Variants in MUL1 observed in about 807,000 individuals in gnomAD.
MUL1 encodes mitochondrial ubiquitin ligase activator of NFKB 1.
Under a neutral mutation model 34.1 loss-of-function variants are expected in MUL1, and 30 were observed. The ratio of observed to expected loss-of-function variants is 0.88; its 90% confidence interval spans 0.66 to 1.19. The LOEUF (loss-of-function observed/expected upper bound fraction) is 1.19. Ranked by LOEUF, MUL1 falls within the 50% of genes most tolerant of loss-of-function variation. The pLI is 0.00. For missense variants in MUL1, 419 were observed against 450.5 expected (o/e 0.93, Z 0.63); for synonymous variants, 191 against 187.8 (o/e 1.02, Z -0.14).
Position 20,500,925 on chromosome 1 carries a change from A to G in MUL1, c.824T>C (p.Met275Thr). The G allele has an allele frequency of 1.2e-6, 2 of 1,614,124 alleles. No individual in the cohort carries two copies. Among genetic ancestry groups the G allele is most frequent in the African/African-American group, 1.3e-5 (1 of 75,060 alleles). ...CTCATGCTCCTGGAACTCCTCCTGC[A>G]TCTGCTTGAGGCGCAGGCGCTCCTG... is the stretch of plus-strand genomic sequence containing the variant. ...QRQERLRLKQ[M>T]QEEFQEHEAQ... Residue 275 changes from methionine (M) to threonine (T), a missense_variant, in exon 4 of 4, where the codon ATG (methionine) becomes ACG (threonine). Transcript: ENST00000264198.
At position 20,508,076 on chromosome 1, in the gene MUL1, A is replaced by G; in HGVS notation, c.-52T>C. ...TGTGGCGCCAAGGATAGGCCTGGTGACCCCCGACTCTCCACCTCCTTCCGA... is the reference window on the plus strand; with the variant it reads ...TGTGGCGCCAAGGATAGGCCTGGTGGCCCCCGACTCTCCACCTCCTTCCGA... On this transcript the variant is annotated 5_prime_UTR_variant, in exon 1 of 4. Coordinates refer to ENST00000264198, the MANE Select transcript of MUL1 (RefSeq NM_024544.3). 6.4e-7 allele frequency: 1 copy of G among 1,554,348 alleles called. No individual in the cohort carries two copies. Among genetic ancestry groups the G allele is most frequent in the Non-Finnish European group, 8.7e-7 (1 of 1,150,286 alleles).
Position 20,508,082 on chromosome 1 carries a change from G to T in MUL1, c.-58C>A. 6.4e-7 allele frequency: 1 copy of T among 1,550,814 alleles called. No homozygotes were observed. Among genetic ancestry groups the T allele is most frequent in the South Asian group, 1.2e-5 (1 of 84,014 alleles). On this transcript the variant is annotated 5_prime_UTR_variant, in exon 1 of 4. Transcript: ENST00000264198. ...GCCAAGGATAGGCCTGGTGACCCCC[G>T]ACTCTCCACCTCCTTCCGACCAGGA...
chr1:20,499,703 G>C lies in MUL1; in HGVS notation c.*987C>G, dbSNP rs748381559. 1 of 151,940 alleles carries C rather than the reference G, an allele frequency of 6.6e-6. No individual in the cohort carries two copies. The highest frequency in any genetic ancestry group is 1.5e-5 in the Non-Finnish European group (1 of 68,006). The allele number at this position is 151,940 out of a possible 1,614,324, so 9.4% of individuals were successfully genotyped here. A position where few individuals can be genotyped will look rare whatever the true frequency, so the allele number is the denominator to read the frequency against. On this transcript the variant is annotated 3_prime_UTR_variant, in exon 4 of 4. Transcript: ENST00000264198. Reference sequence around the variant, plus strand: ...GGGGCAAATGGTAATACTGGGAGGGGGTAACACAAGGAGAAGCGACATGAG... The same window carrying C: ...GGGGCAAATGGTAATACTGGGAGGGCGTAACACAAGGAGAAGCGACATGAG...
Position 20,508,145 on chromosome 1 carries a change from AT to A in MUL1, c.-122del, listed in dbSNP as rs2051737875. 7.2e-7 allele frequency: 1 copy of A among 1,396,638 alleles called. No individual in the cohort carries two copies. Among genetic ancestry groups the A allele is most frequent in the African/African-American group, 1.4e-5 (1 of 69,770 alleles). 86.5% of individuals were successfully genotyped at this position (1,396,638 alleles called of 1,614,324 possible). On this transcript the variant is annotated 5_prime_UTR_variant, in exon 1 of 4. Coordinates refer to ENST00000264198, the MANE Select transcript of MUL1 (RefSeq NM_024544.3). Reference sequence around the variant, plus strand: ...GGCCTAACCTGACCGGAAACTCGAAATCAGTCGCCCAGCGATGACGCACGAC... The same window carrying A: ...GGCCTAACCTGACCGGAAACTCGAAACAGTCGCCCAGCGATGACGCACGAC...
Position 20,501,042 on chromosome 1 carries a change from C to T in MUL1, c.707G>A (p.Ser236Asn), listed in dbSNP as rs1458209650. The T allele has an allele frequency of 1.2e-6, 2 of 1,614,094 alleles. No homozygotes were observed. The highest frequency in any genetic ancestry group is 2.2e-5 in the East Asian group (1 of 44,878). ...FDSLLQRQES[S>N]VRLWKVLALV... ...CGCCAGCACCTTCCAGAGCCTGACG[C>T]TCGACTCCTGCCTCTGCAGCAGGCT... is the stretch of plus-strand genomic sequence containing the variant. The change falls in exon 4 of 4, where the codon AGC becomes AAC. Residue 236 changes from serine (S) to asparagine (N), a missense_variant. Ser to Asn is a conservative substitution (Grantham distance 46, BLOSUM62 1). Coordinates refer to ENST00000264198, the MANE Select transcript of MUL1 (RefSeq NM_024544.3). This position sits in a 1 kb window ranked among gnomAD's most constrained non-coding sequence, Gnocchi z 4.2.
chr1:20,507,734 A>G (rs1277986483), intron 1 of MUL1, among the ~76,000 whole-genome samples, 171 bp downstream of exon 1: 1 of 152,234 alleles, frequency 6.6e-6, no homozygotes. Flanking sequence ...CGTTATCCCG[A>G]GCCCGAATCC....
At position 20,500,539 on chromosome 1, in the gene MUL1, T is replaced by A. The variant is rs1208428004; in HGVS notation, c.*151A>T. 5 of 1,017,666 alleles carry A rather than the reference T, an allele frequency of 4.9e-6. No homozygotes were observed. The highest frequency in any genetic ancestry group is 3.2e-5 in the African/African-American group (2 of 62,496). The allele number at this position is 1,017,666 out of a possible 1,614,324, so 63.0% of individuals were successfully genotyped here. A position where few individuals can be genotyped will look rare whatever the true frequency, so the allele number is the denominator to read the frequency against. The stretch of plus-strand genomic sequence containing the variant: ...AGGCAGCATCCTGCCATTGGAGGCA[T>A]GGGTCTGGAGAGTTTCTACCCAATT... On this transcript the variant is annotated 3_prime_UTR_variant, in exon 4 of 4. Coordinates refer to ENST00000264198, the MANE Select transcript of MUL1 (RefSeq NM_024544.3).
rs372998635 is a variant in MUL1 at position 20,501,239 on chromosome 1, G to T, written c.510C>A (p.Ile170=). Residue 170 remains isoleucine, a synonymous_variant, in exon 4 of 4, where the codon ATC becomes ATA. Transcript: ENST00000264198. The surrounding 1 kb of genome is among the most constrained non-coding windows in gnomAD (Gnocchi z 4.2). ...GCCGCTCACCGCTGATGTAGTGGCC[G>T]ATGACATCGGTGAAGGACTGAATCG... ...HPSIQSFTDV[I]GHYISGERPK... 1 of 1,614,156 alleles carries T rather than the reference G, an allele frequency of 6.2e-7. No homozygotes were observed. The highest frequency in any genetic ancestry group is 1.1e-5 in the South Asian group (1 of 91,080).
chr1:20,500,543 T>C lies in MUL1; in HGVS notation c.*147A>G, dbSNP rs1420101441. 1 of 1,068,712 alleles carries C rather than the reference T, an allele frequency of 9.4e-7. No individual in the cohort carries two copies. Among genetic ancestry groups the C allele is most frequent in the Non-Finnish European group, 1.3e-6 (1 of 750,230 alleles). 66.2% of individuals were successfully genotyped at this position (1,068,712 alleles called of 1,614,324 possible). ...AGCATCCTGCCATTGGAGGCATGGGTCTGGAGAGTTTCTACCCAATTCCTC... is the reference window on the plus strand; with the variant it reads ...AGCATCCTGCCATTGGAGGCATGGGCCTGGAGAGTTTCTACCCAATTCCTC... On this transcript the variant is annotated 3_prime_UTR_variant, in exon 4 of 4. Coordinates refer to ENST00000264198, the MANE Select transcript of MUL1 (RefSeq NM_024544.3).
At position 20,503,205 on chromosome 1, in the gene MUL1, C is replaced by A. The variant is rs777172939; in HGVS notation, c.208+17G>T. 7.8e-6 allele frequency: 12 copies of A among 1,529,858 alleles called. No homozygotes were observed. The African/African-American group carries it at 1.1e-4, about 14-fold the overall frequency. 94.8% of individuals were successfully genotyped at this position (1,529,858 alleles called of 1,614,324 possible). On this transcript the variant is annotated intron_variant, in intron 2 of 3. Coordinates refer to ENST00000264198, the MANE Select transcript of MUL1 (RefSeq NM_024544.3). ...GGAAAAAGACGTTGTTTTCCATTGA[C>A]CAATAAGCAAACATACCTTCTATAA...
chr1:20,502,683 GCCA>G (rs2051674517), intron 2 of MUL1, among the ~76,000 whole-genome samples: 1 of 152,064 alleles, frequency 6.6e-6, no homozygotes, highest in African/African-American at 2.4e-5. Context: ...ACGGGTATGT[GCCA>G]CCACATCCAG....
In MUL1 at chr1:20,506,856, A is replaced by AAAAAAGG. The variant is rs1199568384; in HGVS notation, c.120+1048_120+1049insCCTTTTT. Reference sequence around the variant, plus strand: ...CAGAGCGAGACTCCGTCTCAAAAAAAAAAAGAAAAAGAAAAAGAAAAGAAA... The same window carrying AAAAAAGG: ...CAGAGCGAGACTCCGTCTCAAAAAAAAAAAAGGAAAAGAAAAAGAAAAAGAAAAGAAA... On this transcript the variant is annotated intron_variant, in intron 1 of 3. Transcript: ENST00000264198. Among the ~76,000 whole-genome samples, 335 of 148,812 alleles carry AAAAAAGG rather than the reference A, an allele frequency of 2.3e-3. 2 individuals are homozygous for AAAAAAGG. Among genetic ancestry groups the AAAAAAGG allele is most frequent in the African/African-American group, 7.6e-3 (311 of 40,664 alleles).
intron 1 of MUL1, among the ~76,000 whole-genome samples, chr1:20,504,759 C>T (rs1469494754): frequency 1.3e-5 from 2 of 152,206 alleles, no homozygotes; most frequent in Non-Finnish European, 2.9e-5. Context: ...GCATTTAATA[C>T]ATTATTTGAT....
chr1:20,504,619 T>A (rs1485509182), intron 1 of MUL1, among the ~76,000 whole-genome samples: 1 of 152,202 alleles, frequency 6.6e-6, no homozygotes, highest in Non-Finnish European at 1.5e-5. Flanking sequence ...ATGACAGCAA[T>A]AACAACTAAC....
rs1341927266 is a variant in MUL1, at chr1:20,501,258, T to C, written c.491A>G (p.Gln164Arg). 6.2e-7 allele frequency: 1 copy of C among 1,614,186 alleles called. No homozygotes were observed. The change falls in exon 4 of 4, where the codon CAG (glutamine) becomes CGG (arginine). Residue 164 changes from glutamine to arginine, a missense_variant. Physicochemically the swap from Gln to Arg is conservative, Grantham distance 43. Coordinates refer to ENST00000264198, the MANE Select transcript of MUL1 (RefSeq NM_024544.3). The surrounding 1 kb of genome is among the most constrained non-coding windows in gnomAD (Gnocchi z 4.2). ...GTGGCCGATGACATCGGTGAAGGAC[T>C]GAATCGAGGGGTGGAACTTCTCATA... The part of the protein sequence containing the change: ...TVYEKFHPSI[Q>R]SFTDVIGHYI...
rs999019151 is a variant in MUL1, at chr1:20,500,351, A to G, written c.*339T>C. On this transcript the variant is annotated 3_prime_UTR_variant, in exon 4 of 4. Coordinates refer to ENST00000264198, the MANE Select transcript of MUL1 (RefSeq NM_024544.3). ...TTCACCAGAAAAAAACAGAAGACAC[A>G]GGAACAGAAGAGCTGCTGATCACTG... 1 of 195,140 alleles carries G rather than the reference A, an allele frequency of 5.1e-6. No individual in the cohort carries two copies. The highest frequency in any genetic ancestry group is 2.3e-5 in the African/African-American group (1 of 43,200). The allele number at this position is 195,140 out of a possible 1,614,324, so 12.1% of individuals were successfully genotyped here. A position where few individuals can be genotyped will look rare whatever the true frequency, so the allele number is the denominator to read the frequency against.
rs2051648690 is a variant in MUL1 at position 20,500,780 on chromosome 1, G to A, written c.969C>T (p.Cys323=). The stretch of plus-strand genomic sequence containing the variant: ...CTGGCAAGGCGCGGTAGCACTCGGT[G>A]CAGGAACAAACGTGCCCACACTCCA... ...VFLECGHVCS[C]TECYRALPEP... The change falls in exon 4 of 4, where the codon TGC becomes TGT. Residue 323 remains cysteine, a synonymous_variant. Coordinates refer to ENST00000264198, the MANE Select transcript of MUL1 (RefSeq NM_024544.3). The A allele has an allele frequency of 1.9e-6, 3 of 1,614,118 alleles. No homozygotes were observed. Among genetic ancestry groups the A allele is most frequent in the South Asian group, 1.1e-5 (1 of 91,052 alleles).
chr1:20,502,133 C>A lies in MUL1; in HGVS notation c.265G>T (p.Gly89Trp), dbSNP rs767543501. 1.9e-6 allele frequency: 3 copies of A among 1,614,050 alleles called. No homozygotes were observed. The highest frequency in any genetic ancestry group is 1.7e-5 in the Admixed American group (1 of 60,006). Residue 89 changes from glycine to tryptophan, a missense_variant, in exon 3 of 4, where the codon GGG becomes TGG. By Grantham distance (184) the Gly-to-Trp change is radical (BLOSUM62 -2). Coordinates refer to ENST00000264198, the MANE Select transcript of MUL1 (RefSeq NM_024544.3). ...TGAAGTGTCAGCCGCTGAATTACCC[C>A]CTTGCAGTTTTCCACAAACTGGCTG... ...LNSQFVENCK[G>W]VIQRLTLQEH...
chr1:20,499,769 GC>G lies in MUL1; in HGVS notation c.*920del, dbSNP rs1377052302. On this transcript the variant is annotated 3_prime_UTR_variant, in exon 4 of 4. Transcript: ENST00000264198. ...AAGCTGCGACGGGCTGGATGAGGGA[GC>G]CCCAAGAGGGCATATGCTCAGGGTG... is the stretch of plus-strand genomic sequence containing the variant. 4 of 152,214 alleles carry G rather than the reference GC, an allele frequency of 2.6e-5. No homozygotes were observed. Among genetic ancestry groups the G allele is most frequent in the Non-Finnish European group, 5.9e-5 (4 of 68,068 alleles). 9.4% of individuals were successfully genotyped at this position (152,214 alleles called of 1,614,324 possible).
Sources: allele counts gnomAD v4.1 joint callset (sites outside exome capture counted in the v4.1 genomes callset), GRCh38; gene constraint gnomAD v4.1.1; non-coding constraint Gnocchi (gnomAD v3.1); transcripts MANE v1.5; gene names NCBI Gene and HGNC (gene_info 2026-07-23, HGNC 2026-07-21).